HPF1: variants seen among roughly 807,000 people sequenced by gnomAD.
HPF1 encodes UPF0609 protein C4orf27.
In HPF1, 35 loss-of-function variants were observed where a neutral mutation model predicts 38.8. That is an observed-to-expected ratio of 0.90 (90% confidence interval 0.69 to 1.19). HPF1 has a LOEUF of 1.19. HPF1 is among the 50% of genes most tolerant of loss of function. The pLI is 0.00. For missense variants in HPF1, 367 were observed against 405.8 expected, an observed-to-expected ratio of 0.90 and a Z score of 0.82; for synonymous variants, 115 against 139.2, an observed-to-expected ratio of 0.83 and a Z score of 1.22.
chr4:169,753,028 G>GTTTTTTTTTTTT (rs71590035), intron 2 of HPF1, among the ~76,000 whole-genome samples: 4 of 103,890 alleles, frequency 3.9e-5, no homozygotes, highest in African/African-American at 7.6e-5. Context: ...CCTTGGTTAG[G>GTTTTTTTTTTTT]TTTTTTTTTT....
intron 6 of HPF1, among the ~76,000 whole-genome samples, chr4:169,735,127 CAA>C (rs375885652): frequency 9.1e-5 from 9 of 98,374 alleles, no homozygotes; most frequent in Admixed American, 1.2e-4. Flanking sequence ...AATTCCATCT[CAA>C]AAAAAAAAAA....
intron 7 of HPF1, among the ~76,000 whole-genome samples, chr4:169,730,639 G>A (rs758719428): frequency 6.6e-6 from 1 of 152,172 alleles, no homozygotes; most frequent in Non-Finnish European, 1.5e-5. Context: ...TGGGAAGACT[G>A]CCAGTGAGCG....
chr4:169,741,237 G>C (rs1733965489), intron 5 of HPF1, among the ~76,000 whole-genome samples: 1 of 152,196 alleles, frequency 6.6e-6, no homozygotes, highest in Non-Finnish European at 1.5e-5. Flanking sequence ...GGAATAGCAA[G>C]TTCTCCATTT....
chr4:169,756,374 C>G (rs1053115947), intron 1 of HPF1, among the ~76,000 whole-genome samples: 1 of 152,210 alleles, frequency 6.6e-6, no homozygotes, highest in Non-Finnish European at 1.5e-5. Flanking sequence ...AAATATAGAA[C>G]AGTAGGAACA....
At chr4:169,750,214 C>T (rs1734099965) in intron 3 of HPF1, among the ~76,000 whole-genome samples, 1 of 151,752 alleles carries the variant, frequency 6.6e-6, no homozygotes, top group Non-Finnish European at 1.5e-5. Context: ...CCAGAGACCA[C>T]TCTTAACTAC....
At position 169,731,857 on chromosome 4, in the gene HPF1, G is replaced by T; in HGVS notation, c.756C>A (p.Cys252Ter). 4 of 1,612,764 alleles carry T rather than the reference G, an allele frequency of 2.5e-6. No individual in the cohort carries two copies. The highest frequency in any genetic ancestry group is 3.4e-6 in the Non-Finnish European group (4 of 1,179,088). Residue 252 changes from cysteine (C) to a stop codon, truncating the protein, a stop_gained, in exon 7 of 8, where the codon TGC becomes TGA. Transcript: ENST00000393381. LOFTEE classifies it high-confidence loss of function. The stretch of plus-strand genomic sequence containing the variant: ...CACTTGCAGCCTCAACTATTGTCTT[G>T]CAAATTCTCTTGAGGTCAGCTGAAA... ...PETDADLKRICKTIVEAASDE... is the reference protein window; with the variant it reads ...PETDADLKRI
At chr4:169,751,384 CAG>C (rs945202764) in intron 2 of HPF1, among the ~76,000 whole-genome samples, 1 of 135,520 alleles carries the variant, frequency 7.4e-6, no homozygotes, top group African/African-American at 3.0e-5. Flanking sequence ...GCCTGGGTGA[CAG>C]GGTGAGGCTC....
At chr4:169,743,340 C>T (rs1734003276) in intron 4 of HPF1, among the ~76,000 whole-genome samples, 1 of 150,112 alleles carries the variant, frequency 6.7e-6, no homozygotes, top group Admixed American at 6.6e-5. Context: ...GAACTCCTGA[C>T]CTCAGGTGAT....
rs140205934 is a variant in HPF1 at position 169,750,662 on chromosome 4, T to A, written c.272A>T (p.His91Leu). 7.2e-5 allele frequency: 116 copies of A among 1,614,052 alleles called. No homozygotes were observed. The African/African-American group carries it at 1.3e-3, about 18-fold the overall frequency. The change falls in exon 3 of 8, where the codon CAT (histidine) becomes CTT (leucine). Residue 91 changes from histidine (H) to leucine (L), a missense_variant. By Grantham distance (99) the His-to-Leu change is moderately conservative. Transcript: ENST00000393381. ...GCCTGTTGATTTTTTCTTCGTTTTA[T>A]GTTTTCCAGCAAGGATATCATAAGG... ...VGPYDILAGK[H>L]KTKKKSTGLN...
At chr4:169,743,409 C>CTTTTTTTTTTTT (rs34941625) in intron 4 of HPF1, among the ~76,000 whole-genome samples, 2 of 69,714 alleles carry the variant, frequency 2.9e-5, no homozygotes, top group African/African-American at 1.3e-4. Context: ...TGCCCCTGGC[C>CTTTTTTTTTTTT]TTTTTTTTTT....
intron 6 of HPF1, 88 bp from the exon 7 acceptor site, chr4:169,731,964 TTCC>T (rs1209522649): frequency 4.4e-6 from 5 of 1,126,938 alleles, no homozygotes; most frequent in Non-Finnish European, 5.2e-6. Flanking sequence ...AAGAGGGTTT[TTCC>T]TCCTAAGACT....
At chr4:169,741,896 G>C in intron 5 of HPF1, 61 bp downstream of exon 5, 1 of 1,388,270 alleles carries the variant, frequency 7.2e-7, no homozygotes, top group Non-Finnish European at 1.0e-6. Context: ...AGATGGGAAG[G>C]AATCAAGAGG....
At chr4:169,751,060 A>G (rs1402803536) in intron 2 of HPF1, among the ~76,000 whole-genome samples, 1 of 152,190 alleles carries the variant, frequency 6.6e-6, no homozygotes, top group African/African-American at 2.4e-5. Context: ...AAATACTTGT[A>G]GTACACACAG....
At chr4:169,735,836 T>C (rs960597159) in intron 6 of HPF1, among the ~76,000 whole-genome samples, 2 of 150,106 alleles carry the variant, frequency 1.3e-5, no homozygotes, top group African/African-American at 4.9e-5. Context: ...AGAGGAGATA[T>C]AGGACAGATC....
chr4:169,732,355 G>A (rs1733841248), intron 6 of HPF1, among the ~76,000 whole-genome samples: 1 of 152,040 alleles, frequency 6.6e-6, no homozygotes, highest in African/African-American at 2.4e-5. Context: ...TGGCCAGGAT[G>A]GTCTTGATCT....
intron 4 of HPF1, among the ~76,000 whole-genome samples, chr4:169,744,612 G>A (rs1447278617): frequency 1.3e-5 from 2 of 152,100 alleles, no homozygotes; most frequent in African/African-American, 4.8e-5. Context: ...TGTAAGTGTT[G>A]AAACTTATAT....
rs538093394 is a variant in HPF1, at chr4:169,754,424, G to A, written c.49-589C>T. ...TTAGCAGAATAGCACTAAACTCTGG[G>A]CCAAAAATCCAATTATTTCAGAAAA... On this transcript the variant is annotated intron_variant, in intron 1 of 7. Transcript: ENST00000393381. 5.9e-5 allele frequency among the ~76,000 whole-genome samples: 9 copies of A among 152,116 alleles called. No homozygotes were observed. In the South Asian group the frequency reaches 1.7e-3, roughly 28 times the overall value.
chr4:169,747,267 A>T (rs112921607), intron 4 of HPF1, among the ~76,000 whole-genome samples: 2,061 of 152,040 alleles, frequency 0.014, 38 homozygotes, highest in South Asian at 0.083. Flanking sequence ...TGATAAATCC[A>T]AAGAGTTTAA....
chr4:169,736,808 C>A (rs1214045335), intron 6 of HPF1, among the ~76,000 whole-genome samples: 1 of 152,160 alleles, frequency 6.6e-6, no homozygotes, highest in East Asian at 1.9e-4. Flanking sequence ...ACCAGCAGGG[C>A]TGTTCACGAT....
Sources: gnomAD v4.1 joint callset for allele counts (sites outside exome capture counted in the v4.1 genomes callset) on GRCh38, gnomAD v4.1.1 for gene constraint, MANE v1.5 for transcripts, NCBI Gene and HGNC (gene_info 2026-07-23, HGNC 2026-07-21) for gene names.